Variants in PCSK5 observed in about 807,000 individuals in gnomAD.
PCSK5 encodes proprotein convertase subtilisin/kexin type 5, also known as prohormone convertase 5.
Under a neutral mutation model 233.2 loss-of-function variants are expected in PCSK5, and 129 were observed. That is an observed-to-expected ratio of 0.55 (90% confidence interval 0.48 to 0.64). The LOEUF is 0.64. Among genes scored for constraint, PCSK5 ranks in the 30% least tolerant of loss-of-function variants. PCSK5 has a pLI of 0.00. For missense variants in PCSK5, 2,076 were observed against 2,430.1 expected (o/e 0.85, Z 3.06); for synonymous variants, 825 against 879.2 (o/e 0.94, Z 1.09).
intron 10 of PCSK5, among the ~76,000 whole-genome samples, chr9:76,152,975 A>G (rs995001597): frequency 6.6e-6 from 1 of 152,224 alleles, no homozygotes; most frequent in African/African-American, 2.4e-5. Flanking sequence ...TCTCTTGTCC[A>G]TCTGACTATT....
At chr9:76,146,497 T>C (rs1368812092) in intron 10 of PCSK5, among the ~76,000 whole-genome samples, 1 of 148,572 alleles carries the variant, frequency 6.7e-6, no homozygotes, top group Non-Finnish European at 1.5e-5. Context: ...GTCCAACATA[T>C]AAATAAATAA....
chr9:76,251,434 C>T (rs112655412), intron 24 of PCSK5, among the ~76,000 whole-genome samples: 6,833 of 151,746 alleles, frequency 0.045, 205 homozygotes, highest in Non-Finnish European at 0.061. Flanking sequence ...CGTGGTGGCA[C>T]GCACCTGTAA....
intron 20 of PCSK5, among the ~76,000 whole-genome samples, chr9:76,197,292 C>T (rs1348259703): frequency 6.6e-6 from 1 of 152,170 alleles, no homozygotes; most frequent in Non-Finnish European, 1.5e-5. Flanking sequence ...TGGGAGACTG[C>T]TAATTATCAC....
At chr9:76,057,763 G>A (rs985682883) in intron 5 of PCSK5, among the ~76,000 whole-genome samples, 4 of 150,534 alleles carry the variant, frequency 2.7e-5, no homozygotes, top group Admixed American at 6.6e-5. Flanking sequence ...TTAATAATAT[G>A]GTAGAATAAA....
Position 76,042,765 on chromosome 9 carries a change from C to T in PCSK5, c.632+15728C>T, listed in dbSNP as rs531269667. Among the ~76,000 whole-genome samples the T allele has an allele frequency of 2.0e-5, 3 of 152,334 alleles. No individual in the cohort carries two copies. The South Asian group carries it at 6.2e-4, about 32-fold the overall frequency. ...AGAAATAAGAAGCACTCCACTCCCA[C>T]CAAATCTCCAACTTACTTATGTACA... On this transcript the variant is annotated intron_variant, in intron 5 of 37. Transcript: ENST00000674117.
chr9:76,127,421 TGTAGA>T (rs1350899775), intron 9 of PCSK5, among the ~76,000 whole-genome samples: 1 of 152,152 alleles, frequency 6.6e-6, no homozygotes, highest in Non-Finnish European at 1.5e-5. Context: ...ATCTCCCACA[TGTAGA>T]GTAGATTTAT....
intron 8 of PCSK5, among the ~76,000 whole-genome samples, chr9:76,097,561 T>C (rs1025008459): frequency 6.6e-6 from 1 of 152,224 alleles, no homozygotes; most frequent in African/African-American, 2.4e-5. Flanking sequence ...AAACAGCCAG[T>C]GTAATTAAGA....
rs1187605985 is a variant in PCSK5, at chr9:76,295,420, G to A, written c.3322+9G>A. On this transcript the variant is annotated intron_variant, in intron 26 of 37. Transcript: ENST00000674117. ...GGGCTTCTTTCTCTTAGGTAAGTTA[G>A]AAAATGGCACCATCCAAGCTAAGAA... 6.2e-7 allele frequency: 1 copy of A among 1,611,390 alleles called. No individual in the cohort carries two copies. Among genetic ancestry groups the A allele is most frequent in the Non-Finnish European group, 8.5e-7 (1 of 1,179,220 alleles).
chr9:75,967,244 TAC>T (rs1825628142), intron 2 of PCSK5, among the ~76,000 whole-genome samples: 1 of 152,140 alleles, frequency 6.6e-6, no homozygotes, highest in African/African-American at 2.4e-5. Flanking sequence ...GCCCAATAGT[TAC>T]TTTTTCCGCC....
At chr9:76,120,856 C>A (rs1350803026) in intron 9 of PCSK5, among the ~76,000 whole-genome samples, 2 of 151,994 alleles carry the variant, frequency 1.3e-5, no homozygotes, top group African/African-American at 4.8e-5. Context: ...TCCTGGATAG[C>A]CTTGAGCAAG....
chr9:76,024,032 C>A (rs1209691125), intron 4 of PCSK5, 151 bp downstream of exon 4: 2 of 573,830 alleles, frequency 3.5e-6, no homozygotes, highest in African/African-American at 1.9e-5. Context: ...GATGAGAATT[C>A]TTTGAATACA....
At chr9:76,219,891 T>C (rs1825666942) in intron 20 of PCSK5, among the ~76,000 whole-genome samples, 1 of 152,232 alleles carries the variant, frequency 6.6e-6, no homozygotes, top group Non-Finnish European at 1.5e-5. Flanking sequence ...TCTGTCAACA[T>C]GTATTAAAAC....
chr9:76,018,342 G>A (rs898998310), intron 3 of PCSK5, among the ~76,000 whole-genome samples: 1 of 152,160 alleles, frequency 6.6e-6, no homozygotes, highest in African/African-American at 2.4e-5. Context: ...CCCAAGCCCC[G>A]GGCTGCGGAC....
At chr9:76,079,808 A>G (rs1830770452) in intron 7 of PCSK5, among the ~76,000 whole-genome samples, 1 of 152,190 alleles carries the variant, frequency 6.6e-6, no homozygotes, top group Non-Finnish European at 1.5e-5. Flanking sequence ...AGTTTGTCAT[A>G]GATGGCTCTT....
chr9:75,940,220 C>T (rs2131299356), intron 2 of PCSK5, among the ~76,000 whole-genome samples: 1 of 152,318 alleles, frequency 6.6e-6, no homozygotes, highest in East Asian at 1.9e-4. Flanking sequence ...CCTGTAACGT[C>T]TACCCATCGA....
chr9:76,311,193 A>ACTCCGTCTACAAAATAT (rs1828856570), intron 30 of PCSK5, among the ~76,000 whole-genome samples: 1 of 151,926 alleles, frequency 6.6e-6, no homozygotes, highest in South Asian at 2.1e-4. Flanking sequence ...ACATAGCAAG[A>ACTCCGTCTACAAAATAT]CTCCGTCTAC....
intron 24 of PCSK5, among the ~76,000 whole-genome samples, chr9:76,241,747 A>G (rs1269743885): frequency 6.6e-6 from 1 of 152,238 alleles, no homozygotes; most frequent in Non-Finnish European, 1.5e-5. Flanking sequence ...TAGGCAACAT[A>G]TAAAAAATAA....
At chr9:75,907,972 T>C (rs1822476576) in intron 1 of PCSK5, among the ~76,000 whole-genome samples, 1 of 152,180 alleles carries the variant, frequency 6.6e-6, no homozygotes, top group Admixed American at 6.5e-5. Context: ...GATTGGCCAT[T>C]TAAGTGCCAA....
intron 35 of PCSK5, 113 bp from the exon 36 acceptor site, chr9:76,350,715 C>T: frequency 1.4e-6 from 1 of 703,540 alleles, no homozygotes. Flanking sequence ...TCAATCAATT[C>T]ACCCTTCTGC....
Sources: allele counts gnomAD v4.1 joint callset (sites outside exome capture counted in the v4.1 genomes callset), GRCh38; gene constraint gnomAD v4.1.1; transcripts MANE v1.5; gene names NCBI Gene and HGNC (gene_info 2026-07-23, HGNC 2026-07-21).